Variants in CA8 observed in about 807,000 individuals in gnomAD.
The protein encoded by CA8 is carbonic anhydrase 8 (inactive).
Under a neutral mutation model 41.4 loss-of-function variants are expected in CA8, and 22 were observed. The ratio of observed to expected loss-of-function variants is 0.53; its 90% CI spans 0.38 to 0.76. CA8 has a LOEUF of 0.76. CA8 is among the 30% of genes least tolerant of loss of function. CA8 has a pLI of 0.00. For synonymous variants in CA8, 121 were observed against 130.6 expected, an observed-to-expected ratio of 0.93 and a Z score of 0.50; for missense variants, 270 against 352.8, an observed-to-expected ratio of 0.77 and a Z score of 1.88.
intron 2 of CA8, among the ~76,000 whole-genome samples, chr8:60,269,252 A>T (rs1454230010): frequency 1.3e-5 from 2 of 152,032 alleles, no homozygotes; most frequent in East Asian, 3.8e-4. Context: ...TAAATAAAAA[A>T]ACAAATCATC....
At chr8:60,206,346 T>C (rs1305471979) in intron 8 of CA8, among the ~76,000 whole-genome samples, 2 of 152,156 alleles carry the variant, frequency 1.3e-5, no homozygotes, top group African/African-American at 4.8e-5. Context: ...TCTCTGTGTG[T>C]GTGTGTGCGC....
intron 5 of CA8, among the ~76,000 whole-genome samples, chr8:60,224,852 C>T (rs1360884623): frequency 6.6e-6 from 1 of 152,088 alleles, no homozygotes; most frequent in African/African-American, 2.4e-5. Flanking sequence ...GCCCCATCTG[C>T]CCCATGTCAG....
At chr8:60,233,339 AG>A (rs1807723238) in intron 3 of CA8, among the ~76,000 whole-genome samples, 1 of 152,254 alleles carries the variant, frequency 6.6e-6, no homozygotes, top group South Asian at 2.1e-4. Flanking sequence ...AATTATCATA[AG>A]GATGGCCACA....
rs1037256066 is a variant in CA8 at position 60,281,318 on chromosome 8, G to T, written c.-171C>A. 1.6e-6 allele frequency: 1 copy of T among 613,714 alleles called. No individual in the cohort carries two copies. Among genetic ancestry groups the T allele is most frequent in the Non-Finnish European group, 2.9e-6 (1 of 344,936 alleles). The allele number at this position is 613,714 out of a possible 1,614,324, so 38.0% of individuals were successfully genotyped here. A position where few individuals can be genotyped will look rare whatever the true frequency, so the allele number is the denominator to read the frequency against. Reference sequence around the variant, plus strand: ...AACCGCAGTGTGAGTGCAAGCAGGCGTGCGTTCGGACCGAGTGTTCCAGAG... The same window carrying T: ...AACCGCAGTGTGAGTGCAAGCAGGCTTGCGTTCGGACCGAGTGTTCCAGAG... On this transcript the variant is annotated 5_prime_UTR_variant, in exon 1 of 9. Coordinates refer to ENST00000317995, the MANE Select transcript of CA8 (RefSeq NM_004056.6).
intron 8 of CA8, among the ~76,000 whole-genome samples, chr8:60,207,733 T>C (rs1484548376): frequency 2.6e-5 from 4 of 152,218 alleles, no homozygotes; most frequent in Non-Finnish European, 5.9e-5. Context: ...CCTGGCTACC[T>C]GGCAGACTTC....
chr8:60,274,739 G>C (rs80145363), intron 2 of CA8, among the ~76,000 whole-genome samples: 3,633 of 152,140 alleles, frequency 0.024, 124 homozygotes, highest in African/African-American at 0.081. Context: ...TCTGTCAGCA[G>C]CTTGATATTG....
At chr8:60,226,430 T>C (rs1807441632) in intron 5 of CA8, among the ~76,000 whole-genome samples, 2 of 152,148 alleles carry the variant, frequency 1.3e-5, no homozygotes. Context: ...ATGCTGACAA[T>C]GTGACTTATG....
At chr8:60,232,899 C>A (rs905347855) in intron 3 of CA8, among the ~76,000 whole-genome samples, 2 of 152,028 alleles carry the variant, frequency 1.3e-5, no homozygotes, top group Admixed American at 1.3e-4. Flanking sequence ...TATTTAAAGC[C>A]ACGGTAAAAT....
intron 8 of CA8, among the ~76,000 whole-genome samples, chr8:60,198,404 C>T (rs1351800383): frequency 6.6e-6 from 1 of 152,110 alleles, no homozygotes; most frequent in African/African-American, 2.4e-5. Context: ...TTGATCAAAA[C>T]TCAAGGATAA....
At chr8:60,252,304 C>T (rs1487833410) in intron 3 of CA8, among the ~76,000 whole-genome samples, 2 of 152,072 alleles carry the variant, frequency 1.3e-5, no homozygotes, top group Non-Finnish European at 2.9e-5. Context: ...AAAAGACACC[C>T]CCAAAAGGGG....
chr8:60,271,166 G>T (rs997567212), intron 2 of CA8, among the ~76,000 whole-genome samples: 1 of 152,058 alleles, frequency 6.6e-6, no homozygotes, highest in African/African-American at 2.4e-5. Flanking sequence ...AACATAGCAA[G>T]ACCCCTGTCT....
intron 6 of CA8, among the ~76,000 whole-genome samples, chr8:60,223,910 G>T (rs1000854522): frequency 3.3e-5 from 5 of 152,172 alleles, no homozygotes; most frequent in Non-Finnish European, 7.4e-5. Context: ...ATCATATTCT[G>T]AGTACTTAAT....
Position 60,245,749 on chromosome 8 carries a change from T to C in CA8, c.418-13370A>G, listed in dbSNP as rs78970344. On this transcript the variant is annotated intron_variant, in intron 3 of 8. Coordinates refer to ENST00000317995, the MANE Select transcript of CA8 (RefSeq NM_004056.6). ...GAGGTGGAACTTGTACCAAAACAGCTTGTGAGGTTTTCAAAAAGGTCAATT... is the reference window on the plus strand; with the variant it reads ...GAGGTGGAACTTGTACCAAAACAGCCTGTGAGGTTTTCAAAAAGGTCAATT... Among the ~76,000 whole-genome samples the C allele has an allele frequency of 3.1e-4, 47 of 152,192 alleles. 1 individual carries two copies. In the East Asian group the frequency reaches 8.9e-3, roughly 29 times the overall value.
intron 3 of CA8, 197 bp downstream of exon 3, chr8:60,265,728 C>T (rs557227564): frequency 2.8e-5 from 17 of 604,510 alleles, no homozygotes; most frequent in Middle Eastern, 4.4e-4. Context: ...CATGCGCACA[C>T]GCCAAGCCAC....
chr8:60,273,223 T>C (rs969379239), intron 2 of CA8, among the ~76,000 whole-genome samples: 8 of 152,276 alleles, frequency 5.3e-5, no homozygotes, highest in Non-Finnish European at 1.2e-4. Flanking sequence ...CTGCATGTTA[T>C]GACTGCAGTA....
intron 5 of CA8, among the ~76,000 whole-genome samples, chr8:60,226,359 C>T (rs969625065): frequency 1.3e-5 from 2 of 152,272 alleles, no homozygotes; most frequent in Non-Finnish European, 2.9e-5. Context: ...TTATGGTGAA[C>T]TCCTGTTGTT....
At chr8:60,198,459 A>T (rs1412790784) in intron 8 of CA8, among the ~76,000 whole-genome samples, 1 of 152,228 alleles carries the variant, frequency 6.6e-6, no homozygotes, top group Non-Finnish European at 1.5e-5. Flanking sequence ...CTTAGCTTTT[A>T]AAGTTCAGAA....
intron 7 of CA8, among the ~76,000 whole-genome samples, chr8:60,219,937 A>AC (rs772193788): frequency 1.7e-4 from 17 of 102,262 alleles, no homozygotes; most frequent in South Asian, 2.9e-4. Context: ...CTTAAAAAAA[A>AC]AAAAAAAAAA....
At chr8:60,190,435 AT>A (rs1806085850) in intron 8 of CA8, among the ~76,000 whole-genome samples, 1 of 1,856 alleles carries the variant, frequency 5.4e-4, no homozygotes. Flanking sequence ...AATGCAGAAT[AT>A]ATATATATAT....
Sources: allele counts gnomAD v4.1 joint callset (sites outside exome capture counted in the v4.1 genomes callset), GRCh38; gene constraint gnomAD v4.1.1; transcripts MANE v1.5; gene names NCBI Gene and HGNC (gene_info 2026-07-23, HGNC 2026-07-21).